The following CHRNB3 variants were observed in gnomAD, a reference collection of about 807,000 sequenced individuals.
CHRNB3 encodes the protein neuronal acetylcholine receptor subunit beta-3.
In CHRNB3, 37 loss-of-function variants were observed where a neutral mutation model predicts 40.6. The ratio of observed to expected loss-of-function variants is 0.91; its 90% CI spans 0.70 to 1.20. CHRNB3 has a LOEUF of 1.20. Ranked by LOEUF, CHRNB3 falls within the 50% of genes most tolerant of loss-of-function variation. The pLI is 0.00. For synonymous variants in CHRNB3, 207 were observed against 207.1 expected (o/e 1.00, Z 0.00); for missense variants, 505 against 551.2 (o/e 0.92, Z 0.84).
Position 42,697,614 on chromosome 8 carries a change from A to C in CHRNB3, c.52+16A>C. 1 of 1,604,954 alleles carries C rather than the reference A, an allele frequency of 6.2e-7. No individual in the cohort carries two copies. Among genetic ancestry groups the C allele is most frequent in the East Asian group, 2.2e-5 (1 of 44,816 alleles). ...CCTTCCTCAGGTAAGCACAAGTCACAGTAAATTAAAACTACAGTTGCAGAA... is the reference window on the plus strand; with the variant it reads ...CCTTCCTCAGGTAAGCACAAGTCACCGTAAATTAAAACTACAGTTGCAGAA... On this transcript the variant is annotated intron_variant, in intron 1 of 5. Transcript: ENST00000289957.
intron 4 of CHRNB3, 107 bp from the exon 5 acceptor site, chr8:42,731,560 A>G (rs1816418410): frequency 8.1e-7 from 1 of 1,236,490 alleles, no homozygotes; most frequent in Non-Finnish European, 1.1e-6. Flanking sequence ...ATCTCAAAAA[A>G]GAAAAGAAAA....
At chr8:42,703,180 T>G (rs1815848033) in intron 1 of CHRNB3, among the ~76,000 whole-genome samples, 1 of 151,940 alleles carries the variant, frequency 6.6e-6, no homozygotes. Context: ...TCCCAGCACT[T>G]TGGGAGGCCA....
chr8:42,722,621 G>A (rs62518211), intron 3 of CHRNB3, among the ~76,000 whole-genome samples: 8,718 of 152,202 alleles, frequency 0.057, 329 homozygotes, highest in Middle Eastern at 0.11. Context: ...GAATGCAGTG[G>A]TGCAATCACA....
chr8:42,715,976 C>CCTTTTTTTTTTTTTTTTTTTTTTT (rs1554590400), intron 3 of CHRNB3, among the ~76,000 whole-genome samples: 1 of 124,176 alleles, frequency 8.1e-6, no homozygotes, highest in African/African-American at 2.9e-5. Context: ...TTAAACTGAC[C>CCTTTTTTTTTTTTTTTTTTTTTTT]TTTTTTTTTT....
At chr8:42,698,058 G>A (rs549365602) in intron 1 of CHRNB3, among the ~76,000 whole-genome samples, 1 of 152,242 alleles carries the variant, frequency 6.6e-6, no homozygotes, top group Admixed American at 6.5e-5. Flanking sequence ...ATCTGTGTAT[G>A]TAGGTAGATT....
At chr8:42,729,653 G>A (rs1816369270) in intron 3 of CHRNB3, among the ~76,000 whole-genome samples, 1 of 152,076 alleles carries the variant, frequency 6.6e-6, no homozygotes, top group Admixed American at 6.6e-5. Flanking sequence ...TAATGACAAA[G>A]TTGGCATCAC....
At chr8:42,727,372 C>T (rs1326836333) in intron 3 of CHRNB3, among the ~76,000 whole-genome samples, 2 of 105,972 alleles carry the variant, frequency 1.9e-5, no homozygotes, top group Non-Finnish European at 3.7e-5. Flanking sequence ...GACTCTGTCT[C>T]GAAAAAAAAA....
At chr8:42,717,910 A>T (rs13263434) in intron 3 of CHRNB3, among the ~76,000 whole-genome samples, 1 of 147,762 alleles carries the variant, frequency 6.8e-6, no homozygotes, top group Non-Finnish European at 1.5e-5. Context: ...TCGGCTCACC[A>T]CAACCTCCGC....
chr8:42,730,692 TCTC>T lies in CHRNB3; in HGVS notation c.349_351del (p.Leu117del). On this transcript the variant is annotated inframe_deletion, in exon 4 of 6. Transcript: ENST00000289957. ...AATCTCTGTGGCTTCCTGACATAGT[TCTC>T]TTTGAAAAGTAAGTATCACATTGTT... 1 of 1,591,160 alleles carries T rather than the reference TCTC, an allele frequency of 6.3e-7. No homozygotes were observed. The highest frequency in any genetic ancestry group is 1.1e-5 in the South Asian group (1 of 89,096).
intron 1 of CHRNB3, among the ~76,000 whole-genome samples, chr8:42,707,884 C>A (rs1586394246): frequency 6.6e-6 from 1 of 152,362 alleles, no homozygotes; most frequent in Middle Eastern, 3.4e-3. Context: ...ATGGGCCAGG[C>A]ACTGTTCTAG....
intron 1 of CHRNB3, chr8:42,704,484 A>C (rs1326539392): frequency 6.6e-6 from 1 of 152,216 alleles, no homozygotes; most frequent in Non-Finnish European, 1.5e-5. Context: ...ACAGCTGCGT[A>C]AGTGCAAACG....
intron 3 of CHRNB3, among the ~76,000 whole-genome samples, chr8:42,718,492 T>C (rs567851254): frequency 6.6e-6 from 1 of 151,692 alleles, no homozygotes; most frequent in African/African-American, 2.4e-5. Flanking sequence ...GCTAACACAG[T>C]GAAACCCCAT....
rs201920356 is a variant in CHRNB3 at position 42,731,057 on chromosome 8, A to AAAAT, written c.359+386_359+389dup. Among the ~76,000 whole-genome samples, 1,249 of 138,870 alleles carry AAAAT rather than the reference A, an allele frequency of 9.0e-3. 76 individuals are homozygous for AAAAT. The highest frequency in any genetic ancestry group is 0.033 in the African/African-American group (1,184 of 35,946). The allele number at this position is 138,870 out of a possible 152,430, so 91.1% of individuals were successfully genotyped here. On this transcript the variant is annotated intron_variant, in intron 4 of 5. Transcript: ENST00000289957. ...GCGACAGAGCGAGACTCCGTCTCAA[A>AAAAT]AAATAAATAAATAAATAAATAAATA... is the stretch of plus-strand genomic sequence containing the variant.
chr8:42,709,879 G>A (rs539024167), intron 2 of CHRNB3, among the ~76,000 whole-genome samples: 1 of 152,054 alleles, frequency 6.6e-6, no homozygotes, highest in African/African-American at 2.4e-5. Context: ...TGATCCACCC[G>A]CCTCGGCCTC....
intron 3 of CHRNB3, among the ~76,000 whole-genome samples, chr8:42,713,707 T>G (rs1816056444): frequency 6.6e-6 from 1 of 152,160 alleles, no homozygotes; most frequent in Non-Finnish European, 1.5e-5. Context: ...CAATATCTAT[T>G]GAGATTAATA....
intron 3 of CHRNB3, chr8:42,726,172 C>T (rs772423635): frequency 2.5e-5 from 32 of 1,301,314 alleles, no homozygotes; most frequent in Non-Finnish European, 3.3e-5. Flanking sequence ...AAGCTGTCCT[C>T]ATTTTCAGGA....
intron 1 of CHRNB3, among the ~76,000 whole-genome samples, chr8:42,697,816 T>C (rs1815702469): frequency 6.6e-6 from 1 of 152,030 alleles, no homozygotes; most frequent in African/African-American, 2.4e-5. Flanking sequence ...GTTTATGTTT[T>C]TGTCATTTGC....
At chr8:42,706,497 C>T (rs1229830111) in intron 1 of CHRNB3, among the ~76,000 whole-genome samples, 2 of 152,090 alleles carry the variant, frequency 1.3e-5, no homozygotes, top group East Asian at 1.9e-4. Context: ...GTGCCCTCAG[C>T]GTGGCCCCGG....
At chr8:42,735,090 G>A (rs1410510945) in intron 5 of CHRNB3, among the ~76,000 whole-genome samples, 1 of 151,764 alleles carries the variant, frequency 6.6e-6, no homozygotes, top group East Asian at 2.0e-4. Context: ...CGTGGTGGCC[G>A]GCGCCTGTAG....
Sources: allele counts gnomAD v4.1 joint callset (sites outside exome capture counted in the v4.1 genomes callset), GRCh38; gene constraint gnomAD v4.1.1; transcripts MANE v1.5; gene names NCBI Gene and HGNC (gene_info 2026-07-23, HGNC 2026-07-21).